Variants in PRRT1B observed in about 807,000 individuals in gnomAD.
PRRT1B encodes proline rich transmembrane protein 1B.
At chr9:131,556,848 G>A (rs950596517) in intron 3 of PRRT1B, among the ~76,000 whole-genome samples, 4 of 151,902 alleles carry the variant, frequency 2.6e-5, no homozygotes, top group Non-Finnish European at 4.4e-5. Flanking sequence ...GGCCAGGCTG[G>A]TCTTGAACTC....
intron 2 of PRRT1B, among the ~76,000 whole-genome samples, chr9:131,555,868 C>T (rs1205938811): frequency 6.6e-6 from 1 of 152,032 alleles, no homozygotes; most frequent in Non-Finnish European, 1.5e-5. Flanking sequence ...ACTGAGGGCT[C>T]AGCGGGGCTG....
exon 3 of PRRT1B, chr9:131,556,161 C>T: frequency 2.5e-6 from 1 of 401,138 alleles, no homozygotes; most frequent in Middle Eastern, 3.1e-4. Flanking sequence ...GTGCTGGTGA[C>T]CCTCTTCTGC....
At chr9:131,558,353 C>T in exon 4 of PRRT1B, 1 of 396,670 alleles carries the variant, frequency 2.5e-6, no homozygotes, top group Admixed American at 4.4e-5. Context: ...CTTGGCAGCC[C>T]TCAACTGACT....
At chr9:131,552,839 ATTTTT>A (rs61662684) in intron 1 of PRRT1B, among the ~76,000 whole-genome samples, 13,728 of 133,828 alleles carry the variant, frequency 0.1, 837 homozygotes, top group African/African-American at 0.17. Flanking sequence ...CACCTGGTTA[ATTTTT>A]TTTTTTTTTT....
intron 1 of PRRT1B, among the ~76,000 whole-genome samples, chr9:131,546,073 G>A (rs1033417132): frequency 6.6e-6 from 1 of 152,162 alleles, no homozygotes; most frequent in Non-Finnish European, 1.5e-5. Flanking sequence ...GGCAAGCCAG[G>A]GAGGGGGCAG....
chr9:131,549,231 G>A (rs1588549083), intron 1 of PRRT1B, among the ~76,000 whole-genome samples: 1 of 152,212 alleles, frequency 6.6e-6, no homozygotes, highest in East Asian at 1.9e-4. Flanking sequence ...GTGTATTTCC[G>A]AGTTGCAATT....
intron 1 of PRRT1B, among the ~76,000 whole-genome samples, chr9:131,548,140 C>T (rs1950987648): frequency 6.6e-6 from 1 of 152,142 alleles, no homozygotes; most frequent in African/African-American, 2.4e-5. Context: ...GCAGCCAGGG[C>T]TGCTCACCCA....
rs28837744 is a variant in PRRT1B at position 131,551,356 on chromosome 9, C to T, written c.26-3201C>T. ...TATCACCTCTTACCACAAAATCTTC[C>T]TTCAGCTTAATCTCTCCCACTCTAG... On this transcript the variant is annotated intron_variant, in intron 1 of 3. Transcript: ENST00000636672. The surrounding 1 kb of genome is among the most constrained non-coding windows in gnomAD (Gnocchi z 4.4). Among the ~76,000 whole-genome samples the T allele has an allele frequency of 0.065, 9,935 of 152,146 alleles. 942 individuals carry two copies. Among genetic ancestry groups the T allele is most frequent in the African/African-American group, 0.21 (8,685 of 41,428 alleles).
At chr9:131,556,094 C>T in exon 3 of PRRT1B, 1 of 401,074 alleles carries the variant, frequency 2.5e-6, no homozygotes, top group Non-Finnish European at 4.4e-6. Flanking sequence ...GGCTGGCGTG[C>T]CAGGCCCTGC....
chr9:131,548,638 C>T (rs1950991007), intron 1 of PRRT1B, among the ~76,000 whole-genome samples: 1 of 152,178 alleles, frequency 6.6e-6, no homozygotes, highest in African/African-American at 2.4e-5. Flanking sequence ...TCCTTCCCGC[C>T]TGTCCCCTCA....
chr9:131,554,201 C>A (rs973574807), intron 1 of PRRT1B, among the ~76,000 whole-genome samples: 101 of 152,222 alleles, frequency 6.6e-4, no homozygotes, highest in African/African-American at 2.3e-3. Context: ...GACAGCCAAT[C>A]AGGGGCTTCC....
chr9:131,546,223 C>T (rs1358034907), intron 1 of PRRT1B, among the ~76,000 whole-genome samples: 1 of 152,132 alleles, frequency 6.6e-6, no homozygotes, highest in Non-Finnish European at 1.5e-5. Context: ...GGAGACAGAG[C>T]CTGCAGTAGG....
At chr9:131,554,099 C>T (rs1459838014) in intron 1 of PRRT1B, among the ~76,000 whole-genome samples, 1 of 152,186 alleles carries the variant, frequency 6.6e-6, no homozygotes, top group Non-Finnish European at 1.5e-5. Context: ...TCCTGGGCAC[C>T]TCACCCCTCC....
At chr9:131,552,657 G>GA (rs975740845) in intron 1 of PRRT1B, among the ~76,000 whole-genome samples, 1 of 148,944 alleles carries the variant, frequency 6.7e-6, no homozygotes, top group African/African-American at 2.5e-5. Flanking sequence ...TGCAGTTTGG[G>GA]GGGGAGCCCA....
chr9:131,548,587 GTC>G (rs1370060444), intron 1 of PRRT1B, among the ~76,000 whole-genome samples: 2 of 152,106 alleles, frequency 1.3e-5, no homozygotes, highest in Non-Finnish European at 2.9e-5. Context: ...TCCCTCCCTA[GTC>G]TCTGTTCCCA....
At chr9:131,557,149 C>T (rs570275864) in intron 3 of PRRT1B, among the ~76,000 whole-genome samples, 1 of 152,196 alleles carries the variant, frequency 6.6e-6, no homozygotes, top group South Asian at 2.1e-4. Flanking sequence ...TCTCTCTACT[C>T]TCCATCCATC....
At chr9:131,555,811 C>T (rs1951045330) in intron 2 of PRRT1B, among the ~76,000 whole-genome samples, 1 of 152,138 alleles carries the variant, frequency 6.6e-6, no homozygotes, top group Non-Finnish European at 1.5e-5. Context: ...AGAGGCTGGA[C>T]CCTCGACTGA....
In PRRT1B at chr9:131,551,857, C is replaced by T. The variant is rs2132009037; in HGVS notation, c.26-2700C>T. On this transcript the variant is annotated intron_variant, in intron 1 of 3. Coordinates refer to ENST00000636672, the Ensembl canonical transcript of PRRT1B. This position sits in a 1 kb window ranked among gnomAD's most constrained non-coding sequence, Gnocchi z 4.4. Reference sequence around the variant, plus strand: ...CGCTGACTCTCTTTTTGGACTCAGCCTGCCTGCACCCAGGTGATTCAAAAG... The same window carrying T: ...CGCTGACTCTCTTTTTGGACTCAGCTTGCCTGCACCCAGGTGATTCAAAAG... Among the ~76,000 whole-genome samples, 1 of 152,318 alleles carries T rather than the reference C, an allele frequency of 6.6e-6. No homozygotes were observed. Among genetic ancestry groups the T allele is most frequent in the East Asian group, 1.9e-4 (1 of 5,194 alleles).
intron 3 of PRRT1B, among the ~76,000 whole-genome samples, chr9:131,557,499 C>T (rs1274981140): frequency 6.6e-6 from 1 of 152,194 alleles, no homozygotes; most frequent in Non-Finnish European, 1.5e-5. Context: ...GATCGCACCA[C>T]TGCACTCTAG....
Sources: allele counts gnomAD v4.1 joint callset (sites outside exome capture counted in the v4.1 genomes callset), GRCh38; gene constraint gnomAD v4.1.1; non-coding constraint Gnocchi (gnomAD v3.1); transcripts MANE v1.5; gene names NCBI Gene and HGNC (gene_info 2026-07-23, HGNC 2026-07-21).